KIAA0319: variants seen among roughly 807,000 people sequenced by gnomAD.
The protein encoded by KIAA0319 is dyslexia-associated protein KIAA0319.
KIAA0319 carries 83 observed loss-of-function variants against 108.4 expected under a neutral mutation model. The ratio of observed to expected loss-of-function variants is 0.77; its 90% CI spans 0.64 to 0.92. The LOEUF (loss-of-function observed/expected upper bound fraction) is 0.92, where lower values mean the gene tolerates loss of function less well. KIAA0319 is among the 40% of genes least tolerant of loss of function. KIAA0319 has a pLI of 0.00. For synonymous variants in KIAA0319, 484 were observed against 510.4 expected, an observed-to-expected ratio of 0.95 and a Z score of 0.70; for missense variants, 1,195 against 1,322.4, an observed-to-expected ratio of 0.90 and a Z score of 1.49.
intron 1 of KIAA0319, 131 bp from the exon 2 acceptor site, chr6:24,601,339 G>A (rs561598420): frequency 1.5e-6 from 2 of 1,331,668 alleles, no homozygotes; most frequent in Admixed American, 3.4e-5. Flanking sequence ...CCACAACCCA[G>A]GCAAACATCC....
rs1760721942 is a variant in KIAA0319 at position 24,547,074 on chromosome 6, A to C, written c.*91T>G. 7.5e-7 allele frequency: 1 copy of C among 1,328,426 alleles called. No homozygotes were observed. Among genetic ancestry groups the C allele is most frequent in the East Asian group, 2.3e-5 (1 of 43,370 alleles). 82.3% of individuals were successfully genotyped at this position (1,328,426 alleles called of 1,614,324 possible). A position where few individuals can be genotyped will look rare whatever the true frequency, so the allele number is the denominator to read the frequency against. On this transcript the variant is annotated 3_prime_UTR_variant, in exon 21 of 21. Transcript: ENST00000378214. ...AACCCACTGGGGAAGAAGGTCAATG[A>C]ACTATTCTAAAAGAGTGGGTTTTGT...
intron 16 of KIAA0319, 41 bp from the exon 17 acceptor site, chr6:24,559,196 A>T: frequency 8.1e-6 from 13 of 1,602,942 alleles, no homozygotes; most frequent in Non-Finnish European, 1.1e-5. Context: ...ACATGGTCAG[A>T]TGGTGACTAC....
At chr6:24,594,198 CAAAAA>C (rs761107947) in intron 3 of KIAA0319, among the ~76,000 whole-genome samples, 1 of 54,412 alleles carries the variant, frequency 1.8e-5, no homozygotes, top group Non-Finnish European at 3.1e-5. Context: ...GACTCTGTCT[CAAAAA>C]AAAAAAAAAA....
intron 1 of KIAA0319, among the ~76,000 whole-genome samples, chr6:24,602,640 A>G (rs1039216262): frequency 6.6e-6 from 1 of 152,162 alleles, no homozygotes; most frequent in East Asian, 1.9e-4. Context: ...CTCTACTAAA[A>G]ATACAAAAAA....
chr6:24,626,218 A>G (rs1774691154), intron 1 of KIAA0319, among the ~76,000 whole-genome samples: 1 of 152,226 alleles, frequency 6.6e-6, no homozygotes, highest in Non-Finnish European at 1.5e-5. Flanking sequence ...CTGTTTAAGC[A>G]TCTGAGGATT....
At chr6:24,644,829 T>A (rs575150473) in intron 1 of KIAA0319, among the ~76,000 whole-genome samples, 96 of 152,356 alleles carry the variant, frequency 6.3e-4, no homozygotes, top group Non-Finnish European at 1.3e-3. Context: ...TTAGGTAATA[T>A]GTTTACATTT....
Position 24,580,976 on chromosome 6 carries a change from GA to G in KIAA0319, c.1228del (p.Ser410LeufsTer26). On this transcript the variant is annotated frameshift_variant, in exon 7 of 21. Coordinates refer to ENST00000378214, the MANE Select transcript of KIAA0319 (RefSeq NM_014809.4). LOFTEE classifies it high-confidence loss of function. ...VGLYVFKVTV[S>X]SENAFGEGFV... ...TCCTTCTCCAAAGGCGTTTTCACTA[GA>G]AACAGTGACTTTGAAGACATAAAGT... The G allele has an allele frequency of 1.9e-6, 3 of 1,613,076 alleles. No individual in the cohort carries two copies. Among genetic ancestry groups the G allele is most frequent in the Non-Finnish European group, 2.5e-6 (3 of 1,179,264 alleles).
At chr6:24,551,783 T>C (rs1761547735) in intron 19 of KIAA0319, among the ~76,000 whole-genome samples, 1 of 152,182 alleles carries the variant, frequency 6.6e-6, no homozygotes, top group Admixed American at 6.5e-5. Flanking sequence ...AGCCTCAGGC[T>C]GCAGTGCCAA....
At chr6:24,640,267 G>A (rs917456329) in intron 1 of KIAA0319, among the ~76,000 whole-genome samples, 9 of 152,124 alleles carry the variant, frequency 5.9e-5, no homozygotes, top group Admixed American at 5.2e-4. Context: ...TGCACAGTGA[G>A]CAAGAATGCC....
intron 1 of KIAA0319, among the ~76,000 whole-genome samples, chr6:24,609,923 T>C (rs1772052649): frequency 1.3e-5 from 2 of 151,916 alleles, no homozygotes; most frequent in Non-Finnish European, 2.9e-5. Context: ...ACACAACATA[T>C]ACAAAAATCA....
intron 2 of KIAA0319, chr6:24,600,699 C>G: frequency 6.6e-7 from 1 of 1,523,262 alleles, no homozygotes; most frequent in Non-Finnish European, 8.8e-7. Context: ...AGTGCATCCA[C>G]CATAAGCAAA....
At position 24,599,903 on chromosome 6, in the gene KIAA0319, G is replaced by A. The variant is rs918033341; in HGVS notation, c.55+1146C>T. 1.3e-5 allele frequency: 4 copies of A among 314,074 alleles called. No homozygotes were observed. Among genetic ancestry groups the A allele is most frequent in the Middle Eastern group, 1.1e-3 (1 of 930 alleles). 19.5% of individuals were successfully genotyped at this position (314,074 alleles called of 1,614,324 possible). On this transcript the variant is annotated intron_variant, in intron 2 of 20. Transcript: ENST00000378214. The surrounding 1 kb of genome is among the most constrained non-coding windows in gnomAD (Gnocchi z 4.1). The stretch of plus-strand genomic sequence containing the variant: ...ACAGGAGACCCACCTGAGGCTCAGC[G>A]CTCGCCCTCAGCCGACCCGCGGGAG...
intron 8 of KIAA0319, among the ~76,000 whole-genome samples, 161 bp from the exon 9 acceptor site, chr6:24,578,403 C>T (rs1765862464): frequency 6.6e-6 from 1 of 152,204 alleles, no homozygotes; most frequent in Non-Finnish European, 1.5e-5. Flanking sequence ...TTCTTTCCTA[C>T]TCCCGAAATT....
intron 11 of KIAA0319, among the ~76,000 whole-genome samples, chr6:24,570,355 G>A (rs527750116): frequency 3.9e-5 from 6 of 152,240 alleles, no homozygotes; most frequent in South Asian, 2.1e-4. Flanking sequence ...TTGGGAGAAC[G>A]AGGCGGGCGG....
intron 11 of KIAA0319, among the ~76,000 whole-genome samples, chr6:24,570,352 A>G (rs971248212): frequency 2.2e-4 from 34 of 151,996 alleles, no homozygotes; most frequent in African/African-American, 8.0e-4. Flanking sequence ...ACTTTGGGAG[A>G]ACGAGGCGGG....
rs564783052 is a variant in KIAA0319 at position 24,626,887 on chromosome 6, G to A, written c.-106+18849C>T. The stretch of plus-strand genomic sequence containing the variant: ...AAAAGAGAATTTCCAGAAGCTAGGC[G>A]GCTTCTGGAACAAAAGTTCCAATTT... On this transcript the variant is annotated intron_variant, in intron 1 of 20. Transcript: ENST00000378214. 1.4e-3 allele frequency among the ~76,000 whole-genome samples: 211 copies of A among 152,214 alleles called. 2 individuals carry two copies. Among genetic ancestry groups the A allele is most frequent in the African/African-American group, 3.8e-3 (159 of 41,532 alleles).
chr6:24,584,570 G>T (rs769596868), intron 4 of KIAA0319, among the ~76,000 whole-genome samples: 6 of 151,910 alleles, frequency 3.9e-5, no homozygotes, highest in Non-Finnish European at 8.8e-5. Context: ...CAGCTGCAGA[G>T]GCTCTCAGTG....
chr6:24,569,705 C>A (rs931363324), intron 12 of KIAA0319, among the ~76,000 whole-genome samples, 198 bp downstream of exon 12: 1 of 152,172 alleles, frequency 6.6e-6, no homozygotes, highest in Non-Finnish European at 1.5e-5. Context: ...CCAAGCTCTA[C>A]CTCCCTCCGC....
chr6:24,563,571 G>C, intron 15 of KIAA0319, 53 bp from the exon 16 acceptor site: 1 of 1,513,298 alleles, frequency 6.6e-7, no homozygotes, highest in Non-Finnish European at 8.9e-7. Flanking sequence ...ACAGGCTTTA[G>C]AGCATAAGGA....
Sources: gnomAD v4.1 joint callset for allele counts (sites outside exome capture counted in the v4.1 genomes callset) on GRCh38, gnomAD v4.1.1 for gene constraint, Gnocchi (gnomAD v3.1) non-coding constraint, MANE v1.5 for transcripts, NCBI Gene and HGNC (gene_info 2026-07-23, HGNC 2026-07-21) for gene names.